The following TMEM131 variants were observed in gnomAD, a reference collection of about 807,000 sequenced individuals.
TMEM131 encodes the protein transmembrane protein 131.
A neutral mutation model predicts 211.6 loss-of-function variants in TMEM131; 66 were observed. The ratio of observed to expected loss-of-function variants is 0.31; its 90% confidence interval spans 0.26 to 0.38. TMEM131 has a LOEUF of 0.38. Among genes scored for constraint, TMEM131 ranks in the 10% least tolerant of loss-of-function variants. The pLI is 1.00. For synonymous variants in TMEM131, 844 were observed against 841.3 expected, an observed-to-expected ratio of 1.00 and a Z score of -0.06; for missense variants, 2,036 against 2,299.3, an observed-to-expected ratio of 0.89 and a Z score of 2.34.
chr2:97,878,830 A>C (rs1331787868), intron 4 of TMEM131, among the ~76,000 whole-genome samples: 1 of 152,212 alleles, frequency 6.6e-6, no homozygotes. Flanking sequence ...CATATACCCC[A>C]GAACTTAAAG....
chr2:97,782,925 T>C (rs1182617989), intron 31 of TMEM131, among the ~76,000 whole-genome samples: 1 of 147,160 alleles, frequency 6.8e-6, no homozygotes, highest in Non-Finnish European at 1.5e-5. Context: ...AAACAATGGG[T>C]AAAAACTTCC....
intron 4 of TMEM131, among the ~76,000 whole-genome samples, chr2:97,873,130 G>A (rs529373733): frequency 3.3e-5 from 5 of 152,370 alleles, no homozygotes; most frequent in Admixed American, 2.6e-4. Context: ...AAAGTCACAA[G>A]TCACGGGGAA....
intron 4 of TMEM131, among the ~76,000 whole-genome samples, chr2:97,864,882 T>C (rs576846845): frequency 6.6e-6 from 1 of 152,174 alleles, no homozygotes; most frequent in Non-Finnish European, 1.5e-5. Flanking sequence ...CAACCTAGAA[T>C]AGAAAAGCTT....
At chr2:97,921,069 G>C (rs1387197365) in intron 2 of TMEM131, among the ~76,000 whole-genome samples, 1 of 151,708 alleles carries the variant, frequency 6.6e-6, no homozygotes, top group Non-Finnish European at 1.5e-5. Flanking sequence ...ACATTACTGA[G>C]AAGAATAACA....
Position 97,926,213 on chromosome 2 carries a change from T to C in TMEM131, c.249+1213A>G, listed in dbSNP as rs188579320. ...TGGGCAAAATTCACATTTTAAATAATGTAAAACAAGGTTGTTGCTTTGACA... is the reference window on the plus strand; with the variant it reads ...TGGGCAAAATTCACATTTTAAATAACGTAAAACAAGGTTGTTGCTTTGACA... On this transcript the variant is annotated intron_variant, in intron 2 of 40. Transcript: ENST00000186436. Among the ~76,000 whole-genome samples, 10 of 152,258 alleles carry C rather than the reference T, an allele frequency of 6.6e-5. No homozygotes were observed. In the East Asian group the frequency reaches 1.5e-3, roughly 23 times the overall value.
At chr2:97,933,998 C>T (rs1478986865) in intron 1 of TMEM131, among the ~76,000 whole-genome samples, 1 of 151,608 alleles carries the variant, frequency 6.6e-6, no homozygotes, top group African/African-American at 2.4e-5. Context: ...TCACTCTATT[C>T]AACATGTGCT....
intron 1 of TMEM131, among the ~76,000 whole-genome samples, chr2:97,982,678 C>G (rs1431044225): frequency 6.6e-6 from 1 of 152,084 alleles, no homozygotes; most frequent in African/African-American, 2.4e-5. Context: ...CCTTACATGG[C>G]AAAAGGAATT....
chr2:97,959,485 A>G (rs893098678), intron 1 of TMEM131, among the ~76,000 whole-genome samples: 1 of 152,202 alleles, frequency 6.6e-6, no homozygotes, highest in Non-Finnish European at 1.5e-5. Context: ...AACTGTATTT[A>G]TCAGATTTGT....
intron 1 of TMEM131, among the ~76,000 whole-genome samples, chr2:97,960,557 T>C (rs1307933205): frequency 6.6e-6 from 1 of 152,098 alleles, no homozygotes; most frequent in Non-Finnish European, 1.5e-5. Flanking sequence ...TTTGCAGTTT[T>C]CCTGTCTGAG....
At chr2:97,846,553 C>G (rs1414418975) in intron 5 of TMEM131, among the ~76,000 whole-genome samples, 3 of 152,164 alleles carry the variant, frequency 2.0e-5, no homozygotes, top group Non-Finnish European at 2.9e-5. Context: ...ATAAAGAACA[C>G]CTACAAAAAC....
intron 4 of TMEM131, chr2:97,887,800 C>T: frequency 2.7e-6 from 1 of 366,982 alleles, no homozygotes; most frequent in Non-Finnish European, 4.9e-6. Context: ...TTGCTGTTTC[C>T]AAAGAGTCTC....
chr2:97,956,795 A>G (rs1042669022), intron 1 of TMEM131, among the ~76,000 whole-genome samples: 1 of 152,100 alleles, frequency 6.6e-6, no homozygotes, highest in Non-Finnish European at 1.5e-5. Context: ...ATAAATTTTA[A>G]GTTAAAAAAT....
chr2:97,981,146 T>C (rs1679780542), intron 1 of TMEM131, among the ~76,000 whole-genome samples: 1 of 151,366 alleles, frequency 6.6e-6, no homozygotes, highest in Non-Finnish European at 1.5e-5. Context: ...CAATATACTT[T>C]GGAAATCACT....
chr2:97,894,834 C>G (rs551068631), intron 3 of TMEM131, among the ~76,000 whole-genome samples: 1 of 152,238 alleles, frequency 6.6e-6, no homozygotes, highest in East Asian at 1.9e-4. Context: ...AACTTGACTT[C>G]CTCCTTTCCT....
At chr2:97,841,735 C>T in intron 7 of TMEM131, 80 bp downstream of exon 7, 1 of 1,414,044 alleles carries the variant, frequency 7.1e-7, no homozygotes, top group Non-Finnish European at 9.3e-7. Context: ...GTCTTGGAAA[C>T]TGTAACAAAC....
rs1254964893 is a variant in TMEM131 at position 97,805,601 on chromosome 2, T to G, written c.2158A>C (p.Lys720Gln). 5 of 1,611,646 alleles carry G rather than the reference T, an allele frequency of 3.1e-6. No homozygotes were observed. Among genetic ancestry groups the G allele is most frequent in the Non-Finnish European group, 4.2e-6 (5 of 1,178,078 alleles). ...SLSEDVRFYYKRLRGNKEDLE... is the reference protein window; with the variant it reads ...SLSEDVRFYYQRLRGNKEDLE... ...TCTTCCTTATTGCCCCGTAATCGTT[T>G]ATAGTAAAATCGCACATCTTCTGAC... Residue 720 changes from lysine to glutamine, a missense_variant, in exon 20 of 41, where the codon AAA becomes CAA. Transcript: ENST00000186436.
At chr2:97,843,978 TAG>T (rs10554999) in intron 6 of TMEM131, among the ~76,000 whole-genome samples, 165 bp downstream of exon 6, 52,310 of 151,932 alleles carry the variant, frequency 0.34, 9,931 homozygotes, top group Middle Eastern at 0.48. Context: ...CTGATTTGAA[TAG>T]AGATATTGAA....
chr2:97,850,625 G>T (rs1437475797), intron 5 of TMEM131, among the ~76,000 whole-genome samples: 1 of 151,946 alleles, frequency 6.6e-6, no homozygotes, highest in Non-Finnish European at 1.5e-5. Context: ...TGCACATCCT[G>T]CACATGTATC....
At chr2:97,900,718 TG>T (rs147238238) in intron 3 of TMEM131, among the ~76,000 whole-genome samples, 4,431 of 152,244 alleles carry the variant, frequency 0.029, 77 homozygotes, top group Middle Eastern at 0.065. Flanking sequence ...TCATTTCTCT[TG>T]TATATATACC....
Sources: allele counts gnomAD v4.1 joint callset (sites outside exome capture counted in the v4.1 genomes callset), GRCh38; gene constraint gnomAD v4.1.1; transcripts MANE v1.5; gene names NCBI Gene and HGNC (gene_info 2026-07-23, HGNC 2026-07-21).